The following TMBIM6 variants were observed in gnomAD, a reference collection of about 807,000 sequenced individuals.
TMBIM6 encodes transmembrane BAX inhibitor motif containing 6.
TMBIM6 carries 13 observed loss-of-function variants against 31.4 expected under a neutral mutation model. The ratio of observed to expected loss-of-function variants is 0.41; its 90% CI spans 0.27 to 0.66. The LOEUF (loss-of-function observed/expected upper bound fraction) is 0.66. Among genes scored for constraint, TMBIM6 ranks in the 30% least tolerant of loss-of-function variants. TMBIM6 has a pLI of 0.28. For missense variants in TMBIM6, 275 were observed against 289.5 expected, an observed-to-expected ratio of 0.95 and a Z score of 0.36; for synonymous variants, 85 against 101.7, an observed-to-expected ratio of 0.84 and a Z score of 0.99.
chr12:49,752,857 T>A, intron 2 of TMBIM6, 116 bp from the exon 3 acceptor site: 1 of 981,162 alleles, frequency 1.0e-6, no homozygotes, highest in South Asian at 1.7e-5. Flanking sequence ...TATTTCAAAC[T>A]ATTTGTAACA....
At chr12:49,756,945 G>C (rs746609713) in intron 4 of TMBIM6, among the ~76,000 whole-genome samples, 1 of 151,788 alleles carries the variant, frequency 6.6e-6, no homozygotes, top group Non-Finnish European at 1.5e-5. Context: ...TGTTGGCCAG[G>C]CTGGTCTCGA....
chr12:49,761,869 A>G (rs1363207467), intron 9 of TMBIM6, 90 bp downstream of exon 9: 4 of 1,275,998 alleles, frequency 3.1e-6, no homozygotes, highest in Non-Finnish European at 4.5e-6. Context: ...TTGCTCACAC[A>G]CTGTGTTAGG....
intron 1 of TMBIM6, among the ~76,000 whole-genome samples, chr12:49,752,051 A>G (rs1196795089): frequency 6.6e-6 from 1 of 152,140 alleles, no homozygotes; most frequent in African/African-American, 2.4e-5. Flanking sequence ...GGCCTCAGTG[A>G]GCCACTATGC....
chr12:49,755,148 G>A (rs941801833), intron 3 of TMBIM6, among the ~76,000 whole-genome samples: 3 of 151,642 alleles, frequency 2.0e-5, no homozygotes, highest in Admixed American at 6.6e-5. Flanking sequence ...GTAGAGACGG[G>A]GTTTCTCCAT....
At chr12:49,757,648 A>G (rs1010907910) in intron 4 of TMBIM6, among the ~76,000 whole-genome samples, 2 of 152,228 alleles carry the variant, frequency 1.3e-5, no homozygotes, top group Non-Finnish European at 2.9e-5. Context: ...AGGGATTAAA[A>G]TTTTTGCATC....
chr12:49,744,437 C>T (rs1156237650), intron 1 of TMBIM6: 1 of 152,116 alleles, frequency 6.6e-6, no homozygotes, highest in Admixed American at 6.5e-5. Context: ...CTGCATGCAG[C>T]CCTTCGTAGT....
chr12:49,749,441 G>GTTTTTTTTGTT (rs1555228478), intron 1 of TMBIM6, among the ~76,000 whole-genome samples: 7 of 146,118 alleles, frequency 4.8e-5, no homozygotes, highest in East Asian at 2.0e-4. Context: ...AGTCATTTTT[G>GTTTTTTTTGTT]TTTTTTTTTG....
chr12:49,757,110 A>G (rs571096171), intron 4 of TMBIM6, among the ~76,000 whole-genome samples: 1 of 150,676 alleles, frequency 6.6e-6, no homozygotes, highest in South Asian at 2.1e-4. Context: ...CAGGTAATCT[A>G]CCTGCCTCAG....
chr12:49,760,533 CTTTTTT>C (rs35862867), intron 8 of TMBIM6, among the ~76,000 whole-genome samples: 3 of 93,526 alleles, frequency 3.2e-5, no homozygotes, highest in East Asian at 3.2e-4. Flanking sequence ...TGCCCAGCCA[CTTTTTT>C]TTTTTTTTTT....
chr12:49,760,205 C>T (rs1375391965), intron 8 of TMBIM6, among the ~76,000 whole-genome samples: 6 of 150,326 alleles, frequency 4.0e-5, no homozygotes, highest in Non-Finnish European at 8.9e-5. Context: ...AGAGATCTTT[C>T]TCCTTTTCCT....
intron 1 of TMBIM6, among the ~76,000 whole-genome samples, chr12:49,751,758 A>ATTTTTTT (rs58141027): frequency 9.2e-5 from 10 of 108,526 alleles, no homozygotes; most frequent in African/African-American, 2.5e-4. Flanking sequence ...TAGTGAGATA[A>ATTTTTTT]TTTTTTTTTT....
intron 3 of TMBIM6, 81 bp downstream of exon 3, chr12:49,753,162 C>CCA: frequency 5.0e-6 from 5 of 1,002,622 alleles, no homozygotes; most frequent in Non-Finnish European, 7.6e-6. Context: ...GTCCAAGGGA[C>CCA]CCTGTTCCTC....
At chr12:49,749,786 G>C (rs1160358308) in intron 1 of TMBIM6, 2 of 152,188 alleles carry the variant, frequency 1.3e-5, no homozygotes, top group Non-Finnish European at 2.9e-5. Flanking sequence ...GGTGTATCCA[G>C]ATGTAAGCCA....
chr12:49,747,306 G>C (rs772212439), intron 1 of TMBIM6, among the ~76,000 whole-genome samples: 1 of 151,916 alleles, frequency 6.6e-6, no homozygotes, highest in Non-Finnish European at 1.5e-5. Flanking sequence ...CGGTTTTGCT[G>C]TGTTGCCCAG....
intron 1 of TMBIM6, chr12:49,742,211 CTG>C (rs774820633): frequency 1.8e-5 from 29 of 1,612,996 alleles, no homozygotes; most frequent in Middle Eastern, 1.6e-4. Flanking sequence ...TGAGAGGAGT[CTG>C]GGGCTGGGGC....
chr12:49,759,179 C>A, intron 7 of TMBIM6, 42 bp from the exon 8 acceptor site: 1 of 1,544,464 alleles, frequency 6.5e-7, no homozygotes, highest in Non-Finnish European at 8.9e-7. Flanking sequence ...TTTTTCTCTG[C>A]AACTTCTGCT....
At chr12:49,759,850 C>T (rs530476988) in intron 8 of TMBIM6, among the ~76,000 whole-genome samples, 226 of 148,100 alleles carry the variant, frequency 1.5e-3, no homozygotes, top group Middle Eastern at 7.7e-3. Context: ...CGGTGGCTCA[C>T]GCCTGTAATC....
chr12:49,758,550 T>C (rs1945651471), intron 6 of TMBIM6, 70 bp downstream of exon 6: 3 of 1,563,378 alleles, frequency 1.9e-6, no homozygotes, highest in Non-Finnish European at 2.6e-6. Flanking sequence ...TACTCCTTCC[T>C]TACCCCTAAC....
chr12:49,742,006 C>T, intron 1 of TMBIM6: 1 of 1,352,556 alleles, frequency 7.4e-7, no homozygotes, highest in Middle Eastern at 2.6e-4. Context: ...AGAGCACGTC[C>T]TTCCGAGGTG....
Sources: gnomAD v4.1 joint callset for allele counts (sites outside exome capture counted in the v4.1 genomes callset) on GRCh38, gnomAD v4.1.1 for gene constraint, MANE v1.5 for transcripts, NCBI Gene and HGNC (gene_info 2026-07-23, HGNC 2026-07-21) for gene names.